COL11A1: variants seen among roughly 807,000 people sequenced by gnomAD.
The protein encoded by COL11A1 is collagen alpha-1(XI) chain.
COL11A1 carries 74 observed loss-of-function variants against 265.2 expected under a neutral mutation model. The observed-to-expected ratio is 0.28, with a 90% CI of 0.23 to 0.34. The LOEUF is 0.34. Ranked by LOEUF, COL11A1 falls within the 10% of genes least tolerant of loss-of-function variation. COL11A1 has a pLI of 1.00. For synonymous variants in COL11A1, 816 were observed against 727.6 expected, an observed-to-expected ratio of 1.12 and a Z score of -1.96; for missense variants, 2,165 against 2,263.6, an observed-to-expected ratio of 0.96 and a Z score of 0.88.
intron 18 of COL11A1, among the ~76,000 whole-genome samples, chr1:103,004,899 A>G (rs1220086342): frequency 2.0e-5 from 3 of 151,296 alleles, no homozygotes; most frequent in Non-Finnish European, 4.4e-5. Context: ...TTTTCAATAC[A>G]AAAGAGTTAT....
chr1:103,102,020 A>G (rs1184951957), intron 1 of COL11A1, among the ~76,000 whole-genome samples: 1 of 152,048 alleles, frequency 6.6e-6, no homozygotes, highest in African/African-American at 2.4e-5. Context: ...TAGTAGGCCA[A>G]AGACTGCAAC....
intron 57 of COL11A1, among the ~76,000 whole-genome samples, chr1:102,897,451 T>C (rs1221882792): frequency 6.6e-6 from 1 of 151,242 alleles, no homozygotes; most frequent in African/African-American, 2.4e-5. Flanking sequence ...AAAATATATA[T>C]ATATATAAAG....
chr1:102,984,520 GC>G (rs1241255538), intron 30 of COL11A1, among the ~76,000 whole-genome samples: 2 of 151,884 alleles, frequency 1.3e-5, no homozygotes, highest in Non-Finnish European at 2.9e-5. Flanking sequence ...ATACTTCTAA[GC>G]TTTTTCAACA....
chr1:102,892,910 A>T (rs547866161), intron 57 of COL11A1, among the ~76,000 whole-genome samples: 1 of 152,294 alleles, frequency 6.6e-6, no homozygotes, highest in South Asian at 2.1e-4. Context: ...AAAATTACTA[A>T]TCCTCAGAGT....
intron 49 of COL11A1, among the ~76,000 whole-genome samples, chr1:102,919,329 T>C (rs1465796626): frequency 1.7e-5 from 1 of 60,594 alleles, no homozygotes; most frequent in Non-Finnish European, 6.5e-5. Flanking sequence ...CTGAAGTAGA[T>C]ATCAAAATAT....
chr1:102,953,682 A>G (rs1966959), intron 41 of COL11A1, among the ~76,000 whole-genome samples: 97,430 of 152,008 alleles, frequency 0.64, 32,563 homozygotes, highest in East Asian at 0.91. Context: ...AATTTTACAG[A>G]AAAGTAAACT....
At chr1:102,914,331 T>C (rs773389201) in intron 52 of COL11A1, 21 bp downstream of exon 52, 5 of 1,585,302 alleles carry the variant, frequency 3.2e-6, no homozygotes, top group Non-Finnish European at 4.3e-6. Flanking sequence ...AATAATTTCT[T>C]GATTTTTCCC....
rs777271909 is a variant in COL11A1 at position 103,108,113 on chromosome 1, G to A, written c.66C>T (p.Leu22=). ...TAGCTTGGAAGAGGAAGGTCAATGC[G>A]AGGGTTGTTACGGTGAAATCCCAGA... ...RWLWDFTVTT[L]ALTFLFQARE... Residue 22 remains leucine, a synonymous_variant, in exon 1 of 67, where the codon CTC becomes CTT. Coordinates refer to ENST00000370096, the MANE Select transcript of COL11A1 (RefSeq NM_001854.4). 6.2e-7 allele frequency: 1 copy of A among 1,613,832 alleles called. No individual in the cohort carries two copies. Among genetic ancestry groups the A allele is most frequent in the Non-Finnish European group, 8.5e-7 (1 of 1,179,964 alleles).
chr1:102,950,582 T>A (rs1391261986), intron 41 of COL11A1, among the ~76,000 whole-genome samples: 1 of 152,196 alleles, frequency 6.6e-6, no homozygotes, highest in East Asian at 1.9e-4. Flanking sequence ...ACTTTGAACA[T>A]TATTTTATCC....
chr1:102,931,548 G>C (rs1444971701), intron 46 of COL11A1, among the ~76,000 whole-genome samples: 2 of 152,176 alleles, frequency 1.3e-5, no homozygotes, highest in Non-Finnish European at 2.9e-5. Flanking sequence ...GTTTTGTGGT[G>C]CTGAAAAAAA....
intron 4 of COL11A1, among the ~76,000 whole-genome samples, chr1:103,065,646 G>C (rs1022604732): frequency 1.3e-5 from 2 of 149,514 alleles, no homozygotes; most frequent in African/African-American, 4.9e-5. Context: ...CTCTCAGGAA[G>C]AGTTTTTAAA....
Position 103,023,370 on chromosome 1 carries a change from C to CT in COL11A1, c.991-375dup, listed in dbSNP as rs112800509. ...AGCTTTGCTTAATGTTTTTTTCTTT[C>CT]TTTTTTTTTTTTGAGATGGATGGAG... On this transcript the variant is annotated intron_variant, in intron 7 of 66. Transcript: ENST00000370096. 2.0e-3 allele frequency among the ~76,000 whole-genome samples: 293 copies of CT among 142,930 alleles called. 2 individuals are homozygous for CT. The highest frequency in any genetic ancestry group is 5.9e-3 in the East Asian group (29 of 4,936). 93.8% of individuals were successfully genotyped at this position (142,930 alleles called of 152,430 possible).
chr1:103,003,190 C>A (rs1299878180), intron 21 of COL11A1, 25 bp downstream of exon 21: 1 of 1,612,492 alleles, frequency 6.2e-7, no homozygotes, highest in Non-Finnish European at 8.5e-7. Context: ...CCTAGAAAAT[C>A]TTCAATGTTT....
At chr1:102,884,011 C>T (rs943610645) in intron 63 of COL11A1, among the ~76,000 whole-genome samples, 7 of 152,082 alleles carry the variant, frequency 4.6e-5, no homozygotes, top group Admixed American at 1.3e-4. Flanking sequence ...CAAAGTTATT[C>T]TTTAGATAAC....
At chr1:103,099,572 C>T (rs1362455765) in intron 1 of COL11A1, among the ~76,000 whole-genome samples, 3 of 151,024 alleles carry the variant, frequency 2.0e-5, no homozygotes, top group Non-Finnish European at 3.0e-5. Context: ...ATGAAAGGTT[C>T]AATAATGAAT....
intron 46 of COL11A1, among the ~76,000 whole-genome samples, chr1:102,926,762 G>T (rs1656640828): frequency 6.6e-6 from 1 of 152,034 alleles, no homozygotes. Context: ...AGTTTTATAG[G>T]ATTCAGAGTA....
chr1:103,076,771 G>A (rs1459092718), intron 3 of COL11A1, among the ~76,000 whole-genome samples: 1 of 152,016 alleles, frequency 6.6e-6, no homozygotes, highest in Non-Finnish European at 1.5e-5. Flanking sequence ...TCAGCACTTC[G>A]CATATTTAAG....
intron 46 of COL11A1, among the ~76,000 whole-genome samples, chr1:102,933,616 AC>A (rs1657789909): frequency 6.6e-6 from 1 of 152,150 alleles, no homozygotes; most frequent in Non-Finnish European, 1.5e-5. Context: ...GGTGGGCTCC[AC>A]CCAGCTCGAG....
At chr1:102,923,974 T>A (rs1016795304) in intron 46 of COL11A1, among the ~76,000 whole-genome samples, 2 of 150,022 alleles carry the variant, frequency 1.3e-5, no homozygotes, top group Non-Finnish European at 3.0e-5. Context: ...TTTGGGAGGC[T>A]GAGGCGGGCG....
Sources: allele counts gnomAD v4.1 joint callset (sites outside exome capture counted in the v4.1 genomes callset), GRCh38; gene constraint gnomAD v4.1.1; transcripts MANE v1.5; gene names NCBI Gene and HGNC (gene_info 2026-07-23, HGNC 2026-07-21).